Variants in TRIT1 observed in about 807,000 individuals in gnomAD.
TRIT1 encodes the protein tRNA dimethylallyltransferase.
TRIT1 carries 43 observed loss-of-function variants against 51.2 expected under a neutral mutation model. That is an observed-to-expected ratio of 0.84 (90% CI 0.66 to 1.08). TRIT1 has a LOEUF of 1.08. Ranked by LOEUF, TRIT1 falls within the 50% of genes least tolerant of loss-of-function variation. The pLI is 0.00. For missense variants in TRIT1, 528 were observed against 578.4 expected (o/e 0.91, Z 0.89); for synonymous variants, 184 against 203.9 (o/e 0.90, Z 0.83).
intron 2 of TRIT1, among the ~76,000 whole-genome samples, chr1:39,855,643 A>G (rs1570030106): frequency 6.6e-6 from 1 of 152,330 alleles, no homozygotes; most frequent in East Asian, 1.9e-4. Flanking sequence ...AGATTTTCAG[A>G]TGTTCAACCT....
rs144353489 is a variant in TRIT1, at chr1:39,873,648, G to C, written c.174+9670C>G. 3.4e-3 allele frequency among the ~76,000 whole-genome samples: 525 copies of C among 152,274 alleles called. 1 individual carries two copies. The highest frequency in any genetic ancestry group is 0.012 in the African/African-American group (480 of 41,550). On this transcript the variant is annotated intron_variant, in intron 1 of 10. Coordinates refer to ENST00000316891, the MANE Select transcript of TRIT1 (RefSeq NM_017646.6). ...GTTTTAATAAATGTACCATGATGATGTAAGATATTAATATTAGGACAAGGT... is the reference window on the plus strand; with the variant it reads ...GTTTTAATAAATGTACCATGATGATCTAAGATATTAATATTAGGACAAGGT...
chr1:39,857,654 G>C (rs1642978716), intron 1 of TRIT1, among the ~76,000 whole-genome samples: 1 of 152,116 alleles, frequency 6.6e-6, no homozygotes, highest in Non-Finnish European at 1.5e-5. Context: ...CAGATTTAAA[G>C]GTAAGAAGGA....
Position 39,857,497 on chromosome 1 carries a change from A to G in TRIT1, c.175-80T>C, listed in dbSNP as rs547841087. ...ACTTAATGAATAGAAATTTTGATCT[A>G]TTTCTCCCTCCTGCCAAACACTTCA... On this transcript the variant is annotated intron_variant, in intron 1 of 10. Coordinates refer to ENST00000316891, the MANE Select transcript of TRIT1 (RefSeq NM_017646.6). 19 of 1,514,106 alleles carry G rather than the reference A, an allele frequency of 1.3e-5. No individual in the cohort carries two copies. In the South Asian group the frequency reaches 1.9e-4, roughly 15 times the overall value. 93.8% of individuals were successfully genotyped at this position (1,514,106 alleles called of 1,614,324 possible).
chr1:39,861,178 A>G (rs1169873257), intron 1 of TRIT1, among the ~76,000 whole-genome samples: 1 of 152,220 alleles, frequency 6.6e-6, no homozygotes, highest in Non-Finnish European at 1.5e-5. Flanking sequence ...GAGAAACTGG[A>G]ACCCTTGTGC....
In TRIT1 at chr1:39,838,525, G is replaced by A. The variant is rs974624511; in HGVS notation, c.*3219C>T. 1.2e-4 allele frequency among the ~76,000 whole-genome samples: 18 copies of A among 152,284 alleles called. No homozygotes were observed. The highest frequency in any genetic ancestry group is 3.4e-3 in the Middle Eastern group (1 of 294). ...CTTGCTCTGCCACCCAGGCTGGAAT[G>A]CAGTGGCATGATCATGTTTCACTGA... On this transcript the variant is annotated 3_prime_UTR_variant, in exon 11 of 11. Coordinates refer to ENST00000316891, the MANE Select transcript of TRIT1 (RefSeq NM_017646.6).
chr1:39,845,662 T>C (rs1183489624), intron 8 of TRIT1, among the ~76,000 whole-genome samples: 1 of 152,208 alleles, frequency 6.6e-6, no homozygotes, highest in Non-Finnish European at 1.5e-5. Context: ...TTTTCCTTTC[T>C]CCTCTAAGCC....
chr1:39,848,069 C>T lies in TRIT1; in HGVS notation c.732G>A (p.Val244=), dbSNP rs766934787. 10 of 1,614,128 alleles carry T rather than the reference C, an allele frequency of 6.2e-6. No individual in the cohort carries two copies. The highest frequency in any genetic ancestry group is 8.5e-6 in the Non-Finnish European group (10 of 1,180,012). Residue 244 remains valine (V), a synonymous_variant, in exon 6 of 11, where the codon GTG becomes GTA. Coordinates refer to ENST00000316891, the MANE Select transcript of TRIT1 (RefSeq NM_017646.6). ...AGAGCCCAGCAGCAAGCATGTCATC[C>T]ACCCTCTTATCCAAGCGCTCATCTA... ...AVLDERLDKR[V]DDMLAAGLLE... is the part of the protein sequence containing the mutation.
At chr1:39,881,817 C>T (rs1351078612) in intron 1 of TRIT1, 3 of 152,176 alleles carry the variant, frequency 2.0e-5, no homozygotes, top group South Asian at 4.1e-4. Context: ...TTCTATAATA[C>T]TTGTCATAAA....
intron 2 of TRIT1, among the ~76,000 whole-genome samples, chr1:39,856,285 G>A (rs933443457): frequency 3.3e-5 from 5 of 151,972 alleles, no homozygotes; most frequent in Admixed American, 3.3e-4. Flanking sequence ...TAGCCTGGGT[G>A]ACAGAGCAAG....
intron 1 of TRIT1, among the ~76,000 whole-genome samples, chr1:39,879,500 A>T (rs1329711867): frequency 1.3e-5 from 2 of 151,860 alleles, no homozygotes; most frequent in South Asian, 4.1e-4. Flanking sequence ...ATATATATAT[A>T]TATTTATCAC....
rs538077459 is a variant in TRIT1 at position 39,869,621 on chromosome 1, C to T, written c.175-12204G>A. 6.1e-3 allele frequency among the ~76,000 whole-genome samples: 926 copies of T among 150,732 alleles called. 5 individuals carry two copies. The highest frequency in any genetic ancestry group is 9.4e-3 in the Non-Finnish European group (640 of 67,770). On this transcript the variant is annotated intron_variant, in intron 1 of 10. Transcript: ENST00000316891. Reference sequence around the variant, plus strand: ...GCCGCCCAGTCTGGGAAGTGAGGAGCGCCTCTTCCCGGCCGCCATCCCATC... The same window carrying T: ...GCCGCCCAGTCTGGGAAGTGAGGAGTGCCTCTTCCCGGCCGCCATCCCATC...
intron 9 of TRIT1, 143 bp from the exon 10 acceptor site, chr1:39,844,361 T>C (rs1204184519): frequency 2.3e-6 from 2 of 860,072 alleles, no homozygotes; most frequent in East Asian, 2.6e-5. Flanking sequence ...AGCAACAACC[T>C]TTCTGAATGT....
At chr1:39,857,155 C>T in intron 2 of TRIT1, 122 bp downstream of exon 2, 1 of 1,101,752 alleles carries the variant, frequency 9.1e-7, no homozygotes, top group Non-Finnish European at 1.3e-6. Flanking sequence ...GGGATGGCAT[C>T]CATCAGTATT....
chr1:39,847,357 C>A, intron 7 of TRIT1, 60 bp from the exon 8 acceptor site: 2 of 1,540,770 alleles, frequency 1.3e-6, no homozygotes, highest in Non-Finnish European at 9.0e-7. Flanking sequence ...TGCAGAGAGG[C>A]AGGCCCTCCC....
chr1:39,852,720 G>A lies in TRIT1; in HGVS notation c.560+11C>T. The stretch of plus-strand genomic sequence containing the variant: ...AAAGGAATTTGGGGTCAGCGCGCCA[G>A]GCTTTCTTACCTGGCCACTTTGCGT... On this transcript the variant is annotated intron_variant, in intron 4 of 10. Coordinates refer to ENST00000316891, the MANE Select transcript of TRIT1 (RefSeq NM_017646.6). 1.9e-6 allele frequency: 3 copies of A among 1,612,566 alleles called. 1 individual carries two copies. Among genetic ancestry groups the A allele is most frequent in the Non-Finnish European group, 1.7e-6 (2 of 1,179,406 alleles).
chr1:39,862,766 T>G, intron 1 of TRIT1: 1 of 985,116 alleles, frequency 1.0e-6, no homozygotes, highest in South Asian at 4.7e-5. Context: ...GTGAGATTTG[T>G]AGCTGAATCT....
At chr1:39,882,436 T>C (rs1385346245) in intron 1 of TRIT1, among the ~76,000 whole-genome samples, 1 of 152,190 alleles carries the variant, frequency 6.6e-6, no homozygotes, top group East Asian at 1.9e-4. Context: ...TAACTGTAAA[T>C]TCTCCTCAAC....
At chr1:39,876,921 C>A (rs1045544702) in intron 1 of TRIT1, among the ~76,000 whole-genome samples, 1 of 143,442 alleles carries the variant, frequency 7.0e-6, no homozygotes, top group Non-Finnish European at 1.5e-5. Flanking sequence ...CAGCAAGACT[C>A]CATCTCAAAA....
At chr1:39,854,185 C>A in intron 2 of TRIT1, 117 bp from the exon 3 acceptor site, 2 of 702,768 alleles carry the variant, frequency 2.8e-6, no homozygotes, top group Non-Finnish European at 4.7e-6. Flanking sequence ...GGGTGGGAAC[C>A]AAAATGCGTT....
Sources: gnomAD v4.1 joint callset for allele counts (sites outside exome capture counted in the v4.1 genomes callset) on GRCh38, gnomAD v4.1.1 for gene constraint, MANE v1.5 for transcripts, NCBI Gene and HGNC (gene_info 2026-07-23, HGNC 2026-07-21) for gene names.